Variants in RANBP17 observed in about 807,000 individuals in gnomAD.
The protein encoded by RANBP17 is RAN binding protein 17, also known as ran-binding protein 17.
A neutral mutation model predicts 141.2 loss-of-function variants in RANBP17; 158 were observed. That is an observed-to-expected ratio of 1.12 (90% confidence interval 0.98 to 1.28). The LOEUF (loss-of-function observed/expected upper bound fraction) is 1.28, where lower values mean the gene tolerates loss of function less well. Ranked by LOEUF, RANBP17 falls within the 50% of genes most tolerant of loss-of-function variation. The probability of loss-of-function intolerance (pLI) is 0.00; values close to 1 mark genes in which losing one functional copy is unlikely to be tolerated. For synonymous variants in RANBP17, 430 were observed against 450.0 expected (o/e 0.96, Z 0.56); for missense variants, 1,438 against 1,290.7 (o/e 1.11, Z -1.75).
chr5:171,173,341 G>A (rs146987060), intron 16 of RANBP17, among the ~76,000 whole-genome samples: 18 of 151,974 alleles, frequency 1.2e-4, no homozygotes, highest in South Asian at 2.1e-4. Context: ...ATAGAAACAC[G>A]CAAGATCAAA....
Position 170,918,761 on chromosome 5 carries a change from C to A in RANBP17, c.1003C>A (p.Arg335Ser). Residue 335 changes from arginine (R) to serine (S), a missense_variant, in exon 10 of 28, where the codon CGT becomes AGT. Arg to Ser is a moderately radical substitution (Grantham distance 110). Transcript: ENST00000523189. ...TCATGAATTTTGTCGATTTTTGGCT[C>A]GTTTAAAGACAAATTATCAGCTGGG... ...NYHEFCRFLA[R>S]LKTNYQLGEL... 1 of 1,604,534 alleles carries A rather than the reference C, an allele frequency of 6.2e-7. No individual in the cohort carries two copies. The highest frequency in any genetic ancestry group is 8.5e-7 in the Non-Finnish European group (1 of 1,174,850).
At chr5:170,990,738 A>G (rs1247658152) in intron 14 of RANBP17, among the ~76,000 whole-genome samples, 1 of 152,036 alleles carries the variant, frequency 6.6e-6, no homozygotes, top group East Asian at 1.9e-4. Flanking sequence ...GGTTAATGCC[A>G]TACATATTCA....
intron 25 of RANBP17, chr5:171,271,744 A>C (rs1040019523): frequency 4.7e-6 from 1 of 213,804 alleles, no homozygotes; most frequent in African/African-American, 2.3e-5. Flanking sequence ...AAAAGTTTAA[A>C]GGAAGCCAGG....
chr5:171,276,244 G>T, intron 25 of RANBP17, among the ~76,000 whole-genome samples: 1 of 152,124 alleles, frequency 6.6e-6, no homozygotes, highest in Non-Finnish European at 1.5e-5. Flanking sequence ...ACATCTTTTT[G>T]AATAAGTCAC....
chr5:170,982,961 C>A, intron 14 of RANBP17: 1 of 329,568 alleles, frequency 3.0e-6, no homozygotes, highest in Non-Finnish European at 5.8e-6. Context: ...AAATGAATTT[C>A]AACTTAAAAT....
chr5:170,980,391 C>T (rs373381850), intron 14 of RANBP17, among the ~76,000 whole-genome samples: 155 of 152,272 alleles, frequency 1.0e-3, no homozygotes, highest in African/African-American at 3.7e-3. Flanking sequence ...AAAATGTCCC[C>T]AGGGCATGTC....
chr5:171,003,896 G>A (rs1779395666), intron 14 of RANBP17, among the ~76,000 whole-genome samples: 1 of 152,150 alleles, frequency 6.6e-6, no homozygotes, highest in Admixed American at 6.5e-5. Context: ...ATGGAATAGT[G>A]AGTTGTGGAG....
chr5:170,869,511 T>A (rs560459910), intron 1 of RANBP17, among the ~76,000 whole-genome samples: 36 of 152,120 alleles, frequency 2.4e-4, no homozygotes, highest in Non-Finnish European at 4.6e-4. Context: ...ACTGGTTTGG[T>A]CCCTTCTGGA....
chr5:170,974,426 A>C (rs1195528105), intron 14 of RANBP17, among the ~76,000 whole-genome samples: 1 of 152,130 alleles, frequency 6.6e-6, no homozygotes, highest in African/African-American at 2.4e-5. Context: ...CTTTCTGAAC[A>C]CACTGGGGTA....
chr5:170,907,821 T>G (rs1379351214), intron 5 of RANBP17, among the ~76,000 whole-genome samples: 1 of 151,916 alleles, frequency 6.6e-6, no homozygotes, highest in Non-Finnish European at 1.5e-5. Context: ...AGGAAAGTGT[T>G]GAGATTTGAT....
At chr5:171,076,138 T>C (rs1784905745) in intron 14 of RANBP17, among the ~76,000 whole-genome samples, 1 of 152,186 alleles carries the variant, frequency 6.6e-6, no homozygotes, top group African/African-American at 2.4e-5. Flanking sequence ...GACTCTTGTG[T>C]GATATGTAAC....
At chr5:170,939,030 G>A (rs1020721525) in intron 12 of RANBP17, among the ~76,000 whole-genome samples, 3 of 152,134 alleles carry the variant, frequency 2.0e-5, no homozygotes, top group Admixed American at 2.0e-4. Context: ...AGCTGGAGAA[G>A]AAAGATCACT....
chr5:171,159,028 A>AT (rs1396733913), intron 14 of RANBP17, among the ~76,000 whole-genome samples: 1 of 152,218 alleles, frequency 6.6e-6, no homozygotes, highest in East Asian at 1.9e-4. Context: ...TCTGCTTTGC[A>AT]TTTAACCACT....
intron 25 of RANBP17, among the ~76,000 whole-genome samples, chr5:171,274,736 A>C (rs1008945054): frequency 6.6e-6 from 1 of 152,168 alleles, no homozygotes; most frequent in African/African-American, 2.4e-5. Context: ...TAAACCCCCA[A>C]AATATTAGTT....
rs1403431772 is a variant in RANBP17, at chr5:170,918,737, C to G, written c.979C>G (p.His327Asp). 6.2e-7 allele frequency: 1 copy of G among 1,605,416 alleles called. No individual in the cohort carries two copies. Among genetic ancestry groups the G allele is most frequent in the Non-Finnish European group, 8.5e-7 (1 of 1,175,798 alleles). ...PQGLSDPGNY[H>D]EFCRFLARLK... The stretch of plus-strand genomic sequence containing the variant: ...GGGTTTGTCTGATCCAGGTAATTAT[C>G]ATGAATTTTGTCGATTTTTGGCTCG... Residue 327 changes from histidine (H) to aspartate (D), a missense_variant, in exon 10 of 28, where the codon CAT becomes GAT. His to Asp is a moderately conservative substitution (Grantham distance 81). Transcript: ENST00000523189.
chr5:170,933,779 C>G (rs1041166501), intron 12 of RANBP17, among the ~76,000 whole-genome samples: 3 of 151,872 alleles, frequency 2.0e-5, no homozygotes, highest in African/African-American at 7.3e-5. Context: ...GTCTGAGAGA[C>G]AGTTTGTTAT....
chr5:171,218,621 C>T (rs1395651504), intron 21 of RANBP17, among the ~76,000 whole-genome samples: 2 of 152,100 alleles, frequency 1.3e-5, no homozygotes, highest in East Asian at 3.8e-4. Context: ...TACGTTAGCT[C>T]TTCACGTTGC....
At chr5:171,020,982 C>G in intron 14 of RANBP17, among the ~76,000 whole-genome samples, 1 of 152,072 alleles carries the variant, frequency 6.6e-6, no homozygotes, top group South Asian at 2.1e-4. Context: ...TGACAAAATC[C>G]CTCAGTATTT....
At chr5:171,255,077 A>C (rs1446005342) in intron 24 of RANBP17, among the ~76,000 whole-genome samples, 1 of 152,166 alleles carries the variant, frequency 6.6e-6, no homozygotes, top group Non-Finnish European at 1.5e-5. Context: ...GTATTTTGAC[A>C]AGTTTCTCTT....
Sources: allele counts gnomAD v4.1 joint callset (sites outside exome capture counted in the v4.1 genomes callset), GRCh38; gene constraint gnomAD v4.1.1; transcripts MANE v1.5; gene names NCBI Gene and HGNC (gene_info 2026-07-23, HGNC 2026-07-21).